The following PCK1 variants were observed in gnomAD, a reference collection of about 807,000 sequenced individuals.
PCK1 encodes phosphoenolpyruvate carboxykinase 1, also known as phosphoenolpyruvate carboxykinase, cytosolic [GTP].
In PCK1, 44 loss-of-function variants were observed where a neutral mutation model predicts 50.3. The ratio of observed to expected loss-of-function variants is 0.87; its 90% CI spans 0.69 to 1.12. PCK1 has a LOEUF of 1.12. PCK1 is among the 50% of genes most tolerant of loss of function. The pLI is 0.00. For missense variants in PCK1, 790 were observed against 815.0 expected, an observed-to-expected ratio of 0.97 and a Z score of 0.37; for synonymous variants, 332 against 314.3, an observed-to-expected ratio of 1.06 and a Z score of -0.59.
chr20:57,561,295 C>T, intron 1 of PCK1, 77 bp from the exon 2 acceptor site: 1 of 688,970 alleles, frequency 1.5e-6, no homozygotes, highest in South Asian at 1.8e-5. Context: ...ATGCACAGCC[C>T]TGGCAAAAGG....
At position 57,561,575 on chromosome 20, in the gene PCK1, G is replaced by A. The variant is rs28383585; in HGVS notation, c.164G>A (p.Arg55Gln). The A allele has an allele frequency of 3.1e-5, 50 of 1,613,974 alleles. No individual in the cohort carries two copies. The highest frequency in any genetic ancestry group is 2.1e-4 in the South Asian group (19 of 91,080). The stretch of plus-strand genomic sequence containing the variant: ...GACGGCTCTGAGGAGGAGAATGGGC[G>A]GCTTCTGGGCCAGATGGAGGAAGAG... ...ICDGSEEENG[R>Q]LLGQMEEEGI... is the part of the protein sequence containing the mutation. Residue 55 changes from arginine (R) to glutamine (Q), a missense_variant, in exon 2 of 10, where the codon CGG becomes CAG. Arg to Gln is a conservative substitution (Grantham distance 43). Transcript: ENST00000319441.
At chr20:57,563,407 C>A in intron 5 of PCK1, 158 bp from the exon 6 acceptor site, 1 of 683,910 alleles carries the variant, frequency 1.5e-6, no homozygotes, top group East Asian at 2.7e-5. Context: ...ACCAGGGGAC[C>A]ATAGAGATCC....
rs888618699 is a variant in PCK1, at chr20:57,566,884, G to A, written c.*1080G>A. 6.6e-5 allele frequency: 10 copies of A among 152,198 alleles called. No homozygotes were observed. The highest frequency in any genetic ancestry group is 3.9e-4 in the East Asian group (2 of 5,188). The allele number at this position is 152,198 out of a possible 1,614,324, so 9.4% of individuals were successfully genotyped here. ...CAGTTTTCTCAACTGTCATCCCCGC[G>A]GGGGAGCAGAGGAAGACAAGTGAGA... On this transcript the variant is annotated 3_prime_UTR_variant, in exon 10 of 10. Transcript: ENST00000319441.
At position 57,561,392 on chromosome 20, in the gene PCK1, C is replaced by A; in HGVS notation, c.-20C>A. Reference sequence around the variant, plus strand: ...TTCAGGTGACCTCACATTCGTGCCCCTTAGCAGCACTCTGCAGAAATGCCT... The same window carrying A: ...TTCAGGTGACCTCACATTCGTGCCCATTAGCAGCACTCTGCAGAAATGCCT... On this transcript the variant is annotated 5_prime_UTR_variant, in exon 2 of 10. Coordinates refer to ENST00000319441, the MANE Select transcript of PCK1 (RefSeq NM_002591.4). 6.4e-7 allele frequency: 1 copy of A among 1,567,470 alleles called. No homozygotes were observed. Among genetic ancestry groups the A allele is most frequent in the South Asian group, 1.1e-5 (1 of 89,786 alleles).
Position 57,564,584 on chromosome 20 carries a change from G to T in PCK1, c.1289G>T (p.Gly430Val), listed in dbSNP as rs1219103803. The T allele has an allele frequency of 6.2e-7, 1 of 1,609,638 alleles. No individual in the cohort carries two copies. The highest frequency in any genetic ancestry group is 1.3e-5 in the African/African-American group (1 of 74,786). ...TCTCCGGAAGGTGTTCCCATTGAAG[G>T]CATTATCTTTGGAGGCCGTAGACCT... ...WESPEGVPIE[G>V]IIFGGRRPAG... The change falls in exon 8 of 10, where the codon GGC (glycine) becomes GTC (valine). Residue 430 changes from glycine to valine, a missense_variant. Coordinates refer to ENST00000319441, the MANE Select transcript of PCK1 (RefSeq NM_002591.4).
chr20:57,565,844 C>A lies in PCK1; in HGVS notation c.*40C>A, dbSNP rs2146531639. On this transcript the variant is annotated 3_prime_UTR_variant, in exon 10 of 10. Transcript: ENST00000319441. Reference sequence around the variant, plus strand: ...CTTTACCTTTAAAATCATTCCCTTTCCCATCCATAAGGTGCAGTAGGAGCA... The same window carrying A: ...CTTTACCTTTAAAATCATTCCCTTTACCATCCATAAGGTGCAGTAGGAGCA... The A allele has an allele frequency of 6.8e-7, 1 of 1,477,262 alleles. No homozygotes were observed. The highest frequency in any genetic ancestry group is 9.2e-7 in the Non-Finnish European group (1 of 1,087,688). 91.5% of individuals were successfully genotyped at this position (1,477,262 alleles called of 1,614,324 possible). A position where few individuals can be genotyped will look rare whatever the true frequency, so the allele number is the denominator to read the frequency against.
In PCK1 at chr20:57,565,290, TG is replaced by T; in HGVS notation, c.1415-58del. On this transcript the variant is annotated intron_variant, in intron 9 of 9. Transcript: ENST00000319441. ...AAAGCATGCTAATGTCAACAATCAATGGCGTCAGTCTTGCCTAGGAGAGCCT... is the reference window on the plus strand; with the variant it reads ...AAAGCATGCTAATGTCAACAATCAATGCGTCAGTCTTGCCTAGGAGAGCCT... 6 of 1,411,266 alleles carry T rather than the reference TG, an allele frequency of 4.3e-6. No homozygotes were observed. The South Asian group carries it at 7.0e-5, about 17-fold the overall frequency. The allele number at this position is 1,411,266 out of a possible 1,614,324, so 87.4% of individuals were successfully genotyped here.
In PCK1 at chr20:57,563,641, A is replaced by G. The variant is rs1568909260; in HGVS notation, c.875A>G (p.Asn292Ser). Residue 292 changes from asparagine to serine, a missense_variant, in exon 6 of 10, where the codon AAC (asparagine) becomes AGC (serine). Transcript: ENST00000319441. ...TTTCCCAGCGCCTGCGGGAAGACCA[A>G]CCTGGCCATGATGAACCCCAGCCTC... ...AAFPSACGKTNLAMMNPSLPG... is the reference protein window; with the variant it reads ...AAFPSACGKTSLAMMNPSLPG... The G allele has an allele frequency of 1.2e-6, 2 of 1,613,354 alleles. No homozygotes were observed. The highest frequency in any genetic ancestry group is 1.7e-6 in the Non-Finnish European group (2 of 1,179,362).
rs531948877 is a variant in PCK1 at position 57,563,345 on chromosome 20, C to T, written c.798+130C>T. 6.4e-5 allele frequency: 54 copies of T among 841,020 alleles called. No individual in the cohort carries two copies. The East Asian group carries it at 1.4e-3, about 21-fold the overall frequency. The allele number at this position is 841,020 out of a possible 1,614,324, so 52.1% of individuals were successfully genotyped here. On this transcript the variant is annotated intron_variant, in intron 5 of 9. Coordinates refer to ENST00000319441, the MANE Select transcript of PCK1 (RefSeq NM_002591.4). ...GGTTCCCGGACAGATCGGGAAACCCCACCAGTAATGATTAGTTTACACATA... is the reference window on the plus strand; with the variant it reads ...GGTTCCCGGACAGATCGGGAAACCCTACCAGTAATGATTAGTTTACACATA...
intron 5 of PCK1, 141 bp from the exon 6 acceptor site, chr20:57,563,424 C>T (rs2070171552): frequency 2.9e-6 from 2 of 700,120 alleles, no homozygotes; most frequent in Non-Finnish European, 4.8e-6. Context: ...ATCCTTTGGA[C>T]TTCATGATTC....
At chr20:57,562,934 A>T (rs2070162786) in intron 4 of PCK1, 35 bp downstream of exon 4, 1 of 1,590,146 alleles carries the variant, frequency 6.3e-7, no homozygotes, top group African/African-American at 1.3e-5. Context: ...AAGTCAAAAT[A>T]AAAAAGAAAG....
intron 5 of PCK1, 109 bp downstream of exon 5, chr20:57,563,324 C>G (rs1451998310): frequency 2.7e-5 from 29 of 1,056,736 alleles, no homozygotes; most frequent in African/African-American, 4.7e-5. Flanking sequence ...CGTGCAGGTT[C>G]CCGGACAGAT....
In PCK1 at chr20:57,566,161, A is replaced by ATATGTGTGTGTGTGTG. The variant is rs373351736; in HGVS notation, c.*358_*359insATGTGTGTGTGTGTGT. On this transcript the variant is annotated 3_prime_UTR_variant, in exon 10 of 10. Coordinates refer to ENST00000319441, the MANE Select transcript of PCK1 (RefSeq NM_002591.4). ...AAAAATACTTGAGCTGTATATATAT[A>ATATGTGTGTGTGTGTG]TGTGTGTGTGTGTGTGTGTGTGTGT... 3 of 158,874 alleles carry ATATGTGTGTGTGTGTG rather than the reference A, an allele frequency of 1.9e-5. No homozygotes were observed. The highest frequency in any genetic ancestry group is 7.6e-5 in the African/African-American group (3 of 39,616). 9.8% of individuals were successfully genotyped at this position (158,874 alleles called of 1,614,324 possible).
In PCK1 at chr20:57,565,087, G is replaced by T; in HGVS notation, c.1366G>T (p.Val456Leu). 5.0e-6 allele frequency: 8 copies of T among 1,613,960 alleles called. No homozygotes were observed. The East Asian group carries it at 1.6e-4, about 31-fold the overall frequency. The change falls in exon 9 of 10, where the codon GTG (valine) becomes TTG (leucine). Residue 456 changes from valine (V) to leucine (L), a missense_variant. By Grantham distance (32) the Val-to-Leu change is conservative. Coordinates refer to ENST00000319441, the MANE Select transcript of PCK1 (RefSeq NM_002591.4). Reference protein sequence around the residue: ...EALSWQHGVFVGAAMRSEATA... With the variant: ...EALSWQHGVFLGAAMRSEATA... Reference sequence around the variant, plus strand: ...TCTCAGCTGGCAACATGGAGTCTTTGTGGGGGCGGCCATGAGATCAGAGGC... The same window carrying T: ...TCTCAGCTGGCAACATGGAGTCTTTTTGGGGGCGGCCATGAGATCAGAGGC...
In PCK1 at chr20:57,562,755, A is replaced by G. The variant is rs149873355; in HGVS notation, c.466A>G (p.Ile156Val). ...GCCGCTGGGCTCGCCTCTGTCAAAG[A>G]TCGGCATCGAGCTGACGGATTCACC... ...MGPLGSPLSK[I>V]GIELTDSPYV... The change falls in exon 4 of 10, where the codon ATC (isoleucine) becomes GTC (valine). Residue 156 changes from isoleucine (I) to valine (V), a missense_variant. Transcript: ENST00000319441. 1.2e-6 allele frequency: 2 copies of G among 1,614,128 alleles called. No individual in the cohort carries two copies. The highest frequency in any genetic ancestry group is 1.7e-6 in the Non-Finnish European group (2 of 1,179,978).
In PCK1 at chr20:57,566,192, T is replaced by TGC. The variant is rs1219805839; in HGVS notation, c.*389_*390insCG. On this transcript the variant is annotated 3_prime_UTR_variant, in exon 10 of 10. Coordinates refer to ENST00000319441, the MANE Select transcript of PCK1 (RefSeq NM_002591.4). ...GTGTGTGTGTGTGTGTGTGTGTGTG[T>TGC]GTGTGCATGTATGTGCACATGTGTC... 1 of 173,952 alleles carries TGC rather than the reference T, an allele frequency of 5.7e-6. No homozygotes were observed. The highest frequency in any genetic ancestry group is 1.2e-5 in the Non-Finnish European group (1 of 83,746). 10.8% of individuals were successfully genotyped at this position (173,952 alleles called of 1,614,324 possible). A position where few individuals can be genotyped will look rare whatever the true frequency, so the allele number is the denominator to read the frequency against.
In PCK1 at chr20:57,564,613, G is replaced by A. The variant is rs2146530095; in HGVS notation, c.1318G>A (p.Gly440Ser). 1.3e-6 allele frequency: 2 copies of A among 1,584,540 alleles called. No homozygotes were observed. Among genetic ancestry groups the A allele is most frequent in the Non-Finnish European group, 1.7e-6 (2 of 1,164,620 alleles). ...GIIFGGRRPA[G>S]VPLVYEALSW... ...TATCTTTGGAGGCCGTAGACCTGCT[G>A]GTGAGGCTCTCCTTCATTTAGGCTG... The change falls in exon 8 of 10, where the codon GGT becomes AGT. Residue 440 changes from glycine to serine, a missense_variant and splice_region_variant. Transcript: ENST00000319441.
chr20:57,567,880 CA>C lies in PCK1; in HGVS notation c.*2077del, dbSNP rs2070216673. On this transcript the variant is annotated 3_prime_UTR_variant, in exon 10 of 10. Coordinates refer to ENST00000319441, the MANE Select transcript of PCK1 (RefSeq NM_002591.4). ...TGCACAGCATCAGCCACCTGGCAAG[CA>C]GTCTCACATAGGACCATTTGCCAGC... 1 of 152,416 alleles carries C rather than the reference CA, an allele frequency of 6.6e-6. No individual in the cohort carries two copies. The highest frequency in any genetic ancestry group is 6.5e-5 in the Admixed American group (1 of 15,294). 9.4% of individuals were successfully genotyped at this position (152,416 alleles called of 1,614,324 possible).
At position 57,568,113 on chromosome 20, in the gene PCK1, T is replaced by A. The variant is rs2235826; in HGVS notation, c.*2309T>A. ...ACAATAAACAGGATCCTATGACTTC[T>A]TTCTTCAATGTTCTCTTGTCGTGCC... On this transcript the variant is annotated 3_prime_UTR_variant, in exon 10 of 10. Coordinates refer to ENST00000319441, the MANE Select transcript of PCK1 (RefSeq NM_002591.4). 129,814 of 152,286 alleles carry A rather than the reference T, an allele frequency of 0.85. 55,767 individuals carry two copies. The highest frequency in any genetic ancestry group is 0.97 in the African/African-American group (40,139 of 41,578). The allele number at this position is 152,286 out of a possible 1,614,324, so 9.4% of individuals were successfully genotyped here. A position where few individuals can be genotyped will look rare whatever the true frequency, so the allele number is the denominator to read the frequency against.
Sources: allele counts gnomAD v4.1 joint callset, GRCh38; gene constraint gnomAD v4.1.1; transcripts MANE v1.5; gene names NCBI Gene and HGNC (gene_info 2026-07-23, HGNC 2026-07-21).